The following TNS3 variants were observed in gnomAD, a reference collection of about 807,000 sequenced individuals.
TNS3 encodes tensin 3.
In TNS3, 45 loss-of-function variants were observed where a neutral mutation model predicts 140.9. The observed-to-expected ratio is 0.32, with a 90% CI of 0.25 to 0.41. TNS3 has a LOEUF of 0.41. Ranked by LOEUF, TNS3 falls within the 10% of genes least tolerant of loss-of-function variation. TNS3 has a pLI of 1.00. For synonymous variants in TNS3, 815 were observed against 788.4 expected (o/e 1.03, Z -0.56); for missense variants, 1,716 against 1,906.7 (o/e 0.90, Z 1.86).
intron 4 of TNS3, among the ~76,000 whole-genome samples, chr7:47,451,626 A>G (rs867111826): frequency 6.6e-6 from 1 of 152,196 alleles, no homozygotes; most frequent in Non-Finnish European, 1.5e-5. Context: ...GGATAAATCC[A>G]CAAGGAAGCA....
At chr7:47,352,671 G>A (rs1562626365) in intron 17 of TNS3, among the ~76,000 whole-genome samples, 1 of 152,206 alleles carries the variant, frequency 6.6e-6, no homozygotes, top group East Asian at 1.9e-4. Context: ...CATCTCCACT[G>A]TAGAGGGGTT....
chr7:47,562,334 C>G (rs1047904439), intron 1 of TNS3, among the ~76,000 whole-genome samples: 2 of 150,670 alleles, frequency 1.3e-5, no homozygotes, highest in African/African-American at 2.4e-5. Context: ...TTTATTTGGT[C>G]AAAGGTGGAT....
At chr7:47,405,203 G>T (rs1291231290) in intron 13 of TNS3, among the ~76,000 whole-genome samples, 9 of 152,184 alleles carry the variant, frequency 5.9e-5, no homozygotes, top group Non-Finnish European at 1.0e-4. Flanking sequence ...CAATTCAGAA[G>T]TCAGCCCTCA....
chr7:47,576,216 G>A (rs974776918), intron 1 of TNS3, among the ~76,000 whole-genome samples: 1 of 152,196 alleles, frequency 6.6e-6, no homozygotes, highest in African/African-American at 2.4e-5. Flanking sequence ...AGGACCACAA[G>A]GTGCTTTTCA....
intron 27 of TNS3, among the ~76,000 whole-genome samples, 196 bp downstream of exon 27, chr7:47,291,759 G>A (rs576798690): frequency 3.9e-5 from 6 of 152,244 alleles, no homozygotes; most frequent in East Asian, 3.9e-4. Flanking sequence ...GAGTTAGACC[G>A]GCCCATGAAG....
chr7:47,559,583 T>C (rs1800281336), intron 1 of TNS3, among the ~76,000 whole-genome samples: 1 of 152,032 alleles, frequency 6.6e-6, no homozygotes, highest in African/African-American at 2.4e-5. Flanking sequence ...GAGGCAGGGA[T>C]GGGGGCTGGA....
chr7:47,283,772 T>A lies in TNS3; in HGVS notation c.4022A>T (p.Glu1341Val). ...CACAACTGTGGACACAGGTGGAGGC[T>A]CCTGGACCAGGGTGATGCTCAGGGC... is the stretch of plus-strand genomic sequence containing the variant. The part of the protein sequence containing the change: ...QKALSITLVQ[E>V]PPPVSTVVHF... Residue 1341 changes from glutamate (E) to valine (V), a missense_variant, in exon 28 of 31, where the codon GAG (glutamate) becomes GTG (valine). This residue lies in a region of TNS3 where 216 missense variants were observed against 295.7 expected (regional missense o/e 0.73). Transcript: ENST00000311160. 1 of 1,612,604 alleles carries A rather than the reference T, an allele frequency of 6.2e-7. No individual in the cohort carries two copies. The highest frequency in any genetic ancestry group is 8.5e-7 in the Non-Finnish European group (1 of 1,179,310).
At chr7:47,280,937 TG>T (rs1253949286) in intron 28 of TNS3, among the ~76,000 whole-genome samples, 1 of 148,108 alleles carries the variant, frequency 6.8e-6, no homozygotes, top group African/African-American at 2.5e-5. Flanking sequence ...CCTAACAAAC[TG>T]GAAAAGCTGG....
chr7:47,301,477 C>G (rs1011473890), intron 23 of TNS3, among the ~76,000 whole-genome samples: 1 of 152,122 alleles, frequency 6.6e-6, no homozygotes, highest in African/African-American at 2.4e-5. Flanking sequence ...TATGAATTCT[C>G]CTCATTGCCC....
intron 13 of TNS3, among the ~76,000 whole-genome samples, chr7:47,406,230 G>C (rs1490087873): frequency 6.6e-6 from 1 of 152,180 alleles, no homozygotes; most frequent in African/African-American, 2.4e-5. Flanking sequence ...CAGGTGTGCA[G>C]CTGGGAGGGG....
intron 21 of TNS3, among the ~76,000 whole-genome samples, chr7:47,304,293 C>T (rs1786611211): frequency 6.6e-6 from 1 of 152,210 alleles, no homozygotes; most frequent in Non-Finnish European, 1.5e-5. Context: ...ACGTATTTCA[C>T]TAGCAATGGA....
intron 13 of TNS3, among the ~76,000 whole-genome samples, chr7:47,406,605 G>T (rs914314570): frequency 6.6e-6 from 1 of 152,168 alleles, no homozygotes; most frequent in Non-Finnish European, 1.5e-5. Flanking sequence ...GCCACTTTCC[G>T]CCTTCAAAAG....
chr7:47,307,150 A>G lies in TNS3; in HGVS notation c.2651-2147T>C, dbSNP rs542670482. ...GATTGAGATAATTAACAGTTACATCATCATTCCAAGAGTTTCCTCCAGCCC... is the reference window on the plus strand; with the variant it reads ...GATTGAGATAATTAACAGTTACATCGTCATTCCAAGAGTTTCCTCCAGCCC... On this transcript the variant is annotated intron_variant, in intron 20 of 30. Transcript: ENST00000311160. Among the ~76,000 whole-genome samples, 16 of 152,326 alleles carry G rather than the reference A, an allele frequency of 1.1e-4. 1 individual carries two copies. In the South Asian group the frequency reaches 3.1e-3, roughly 30 times the overall value.
chr7:47,321,992 C>T (rs535727882), intron 20 of TNS3, among the ~76,000 whole-genome samples: 16 of 152,022 alleles, frequency 1.1e-4, no homozygotes, highest in Non-Finnish European at 2.2e-4. Flanking sequence ...GAGGACTTCC[C>T]GACCCTCCCA....
intron 16 of TNS3, among the ~76,000 whole-genome samples, chr7:47,373,911 C>T (rs1257278062): frequency 6.6e-6 from 1 of 152,290 alleles, no homozygotes; most frequent in Non-Finnish European, 1.5e-5. Flanking sequence ...ACACACACAG[C>T]CCACAAGGAT....
At chr7:47,470,549 A>G (rs1409576911) in intron 4 of TNS3, 1 of 985,326 alleles carries the variant, frequency 1.0e-6, no homozygotes, top group African/African-American at 1.7e-5. Context: ...ACAATACTTC[A>G]GCCAAAGGTG....
chr7:47,538,641 C>T (rs1799688745), intron 1 of TNS3, among the ~76,000 whole-genome samples: 1 of 152,282 alleles, frequency 6.6e-6, no homozygotes, highest in Admixed American at 6.5e-5. Context: ...AAATATCCAT[C>T]TTTCTGTTTC....
chr7:47,304,731 C>T (rs999777723), intron 21 of TNS3, 101 bp downstream of exon 21: 3 of 1,200,532 alleles, frequency 2.5e-6, no homozygotes, highest in Non-Finnish European at 3.2e-6. Context: ...GGTCTAGCTT[C>T]AGCTTCTCTG....
intron 2 of TNS3, among the ~76,000 whole-genome samples, chr7:47,528,753 A>G (rs1419897526): frequency 2.0e-5 from 3 of 152,230 alleles, no homozygotes; most frequent in Admixed American, 6.5e-5. Context: ...AGTTACTGAC[A>G]CTTCAGAGCA....
Sources: allele counts gnomAD v4.1 joint callset (sites outside exome capture counted in the v4.1 genomes callset), GRCh38; gene constraint gnomAD v4.1.1; regional missense constraint gnomAD v4.1.1; transcripts MANE v1.5; gene names NCBI Gene and HGNC (gene_info 2026-07-23, HGNC 2026-07-21).